The following CABIN1 variants were observed in gnomAD, a reference collection of about 807,000 sequenced individuals.
CABIN1 encodes the protein calcineurin-binding protein cabin-1.
A neutral mutation model predicts 227.7 loss-of-function variants in CABIN1; 133 were observed. The ratio of observed to expected loss-of-function variants is 0.58; its 90% CI spans 0.51 to 0.67. The LOEUF (loss-of-function observed/expected upper bound fraction) is 0.67, where lower values mean the gene tolerates loss of function less well. Among genes scored for constraint, CABIN1 ranks in the 30% least tolerant of loss-of-function variants. CABIN1 has a pLI of 0.00. For synonymous variants in CABIN1, 1,086 were observed against 1,155.1 expected (o/e 0.94, Z 1.21); for missense variants, 2,408 against 2,852.5 (o/e 0.84, Z 3.55).
At chr22:24,173,758 C>T (rs1408602871) in intron 34 of CABIN1, among the ~76,000 whole-genome samples, 1 of 152,170 alleles carries the variant, frequency 6.6e-6, no homozygotes, top group African/African-American at 2.4e-5. Flanking sequence ...CGCTTGAACC[C>T]AGGAGGCAGA....
At chr22:24,045,645 T>G (rs1202225775) in intron 6 of CABIN1, among the ~76,000 whole-genome samples, 1 of 152,124 alleles carries the variant, frequency 6.6e-6, no homozygotes, top group Non-Finnish European at 1.5e-5. Context: ...ATTTAGGTAT[T>G]TGTTACAACA....
chr22:24,165,454 A>C, intron 30 of CABIN1, 76 bp from the exon 31 acceptor site: 35 of 1,224,780 alleles, frequency 2.9e-5, no homozygotes, highest in Non-Finnish European at 3.7e-5. Context: ...AGGGATGGGC[A>C]GTGGCCACCA....
chr22:24,114,345 C>CT (rs774226386), intron 27 of CABIN1, among the ~76,000 whole-genome samples: 10 of 152,236 alleles, frequency 6.6e-5, no homozygotes, highest in Non-Finnish European at 1.3e-4. Context: ...TGGCCCCACT[C>CT]TGAGGTGTGG....
In CABIN1 at chr22:24,036,358, A is replaced by G. The variant is rs545284405; in HGVS notation, c.96+177A>G. On this transcript the variant is annotated intron_variant, in intron 3 of 36. Coordinates refer to ENST00000263119, the MANE Select transcript of CABIN1 (RefSeq NM_012295.4). ...TTTTACTTAGCAGACGATCATATAG[A>G]GGAGAAATTATATTTATTCTATCAG... is the stretch of plus-strand genomic sequence containing the variant. Among the ~76,000 whole-genome samples the G allele has an allele frequency of 2.0e-5, 3 of 152,300 alleles. No individual in the cohort carries two copies. In the South Asian group the frequency reaches 6.2e-4, roughly 32 times the overall value.
intron 3 of CABIN1, among the ~76,000 whole-genome samples, chr22:24,037,957 T>C (rs899642520): frequency 1.3e-5 from 2 of 152,222 alleles, no homozygotes; most frequent in African/African-American, 4.8e-5. Flanking sequence ...CAATTTATTA[T>C]GAAGGATACA....
At chr22:24,083,167 T>C in intron 19 of CABIN1, 61 bp from the exon 20 acceptor site, 2 of 1,549,198 alleles carry the variant, frequency 1.3e-6, no homozygotes, top group Non-Finnish European at 1.8e-6. Flanking sequence ...GGGGCCCTGC[T>C]GTGACAGGGA....
intron 25 of CABIN1, among the ~76,000 whole-genome samples, chr22:24,097,256 A>G (rs1315318688): frequency 6.6e-6 from 1 of 152,246 alleles, no homozygotes; most frequent in Non-Finnish European, 1.5e-5. Context: ...ATAAACATGT[A>G]GACTAAAATG....
intron 28 of CABIN1, among the ~76,000 whole-genome samples, chr22:24,123,731 G>A (rs2043554506): frequency 6.6e-6 from 1 of 152,222 alleles, no homozygotes; most frequent in South Asian, 2.1e-4. Context: ...CCATTAACTG[G>A]GAAGTAGTTA....
chr22:24,087,434 C>A lies in CABIN1; in HGVS notation c.3264-18C>A, dbSNP rs182289504. ...CATGTAGTGTTGTTTTTAGCTGGTG[C>A]TTTTGTTACCACCACAGGTTTGATT... On this transcript the variant is annotated intron_variant, in intron 22 of 36. Coordinates refer to ENST00000263119, the MANE Select transcript of CABIN1 (RefSeq NM_012295.4). 7.0e-4 allele frequency: 1,131 copies of A among 1,612,928 alleles called. 1 individual carries two copies. The highest frequency in any genetic ancestry group is 8.8e-4 in the Non-Finnish European group (1,034 of 1,179,994).
intron 28 of CABIN1, among the ~76,000 whole-genome samples, chr22:24,132,464 G>C (rs576516883): frequency 6.6e-6 from 1 of 152,326 alleles, no homozygotes; most frequent in South Asian, 2.1e-4. Context: ...GCAGAGGTGG[G>C]AAGCATTATG....
intron 30 of CABIN1, among the ~76,000 whole-genome samples, chr22:24,165,190 C>T (rs753386225): frequency 6.6e-5 from 10 of 152,210 alleles, no homozygotes; most frequent in Non-Finnish European, 1.2e-4. Flanking sequence ...ACTTGCCAGG[C>T]GATGTGCCAG....
chr22:24,170,250 C>T, intron 33 of CABIN1: 1 of 427,524 alleles, frequency 2.3e-6, no homozygotes, highest in Non-Finnish European at 4.8e-6. Context: ...TCCTCTGGTT[C>T]TCTCCTCCCT....
Position 24,050,817 on chromosome 22 carries a change from G to A in CABIN1, c.657-8G>A, listed in dbSNP as rs765614247. 3.7e-6 allele frequency: 6 copies of A among 1,614,044 alleles called. No homozygotes were observed. Among genetic ancestry groups the A allele is most frequent in the Non-Finnish European group, 5.1e-6 (6 of 1,180,012 alleles). On this transcript the variant is annotated splice_polypyrimidine_tract_variant and splice_region_variant and intron_variant, in intron 7 of 36. Transcript: ENST00000263119. Reference sequence around the variant, plus strand: ...ATGATAATTTCTCCCTGTCTCACATGCTTTTAGTGACATGTCGATTCACGA... The same window carrying A: ...ATGATAATTTCTCCCTGTCTCACATACTTTTAGTGACATGTCGATTCACGA...
intron 28 of CABIN1, among the ~76,000 whole-genome samples, chr22:24,132,565 C>T (rs774116686): frequency 1.1e-4 from 16 of 152,016 alleles, no homozygotes; most frequent in Non-Finnish European, 1.9e-4. Context: ...TTGCTGGGGA[C>T]GTTTTTCTGT....
At chr22:24,036,299 A>G in intron 3 of CABIN1, 118 bp downstream of exon 3, 1 of 774,362 alleles carries the variant, frequency 1.3e-6, no homozygotes, top group South Asian at 1.4e-5. Context: ...TCCATTTTGA[A>G]AGATGGCTAG....
At chr22:24,143,738 G>A (rs1486738794) in intron 29 of CABIN1, among the ~76,000 whole-genome samples, 1 of 152,154 alleles carries the variant, frequency 6.6e-6, no homozygotes, top group East Asian at 1.9e-4. Context: ...GTGAGGCTTA[G>A]GTACTATTAT....
At chr22:24,017,315 G>A (rs2035375140) in intron 1 of CABIN1, among the ~76,000 whole-genome samples, 2 of 152,140 alleles carry the variant, frequency 1.3e-5, no homozygotes, top group Non-Finnish European at 2.9e-5. Context: ...GGGATTACAG[G>A]CGTGAGCCAC....
At chr22:24,142,420 T>A (rs2044823939) in intron 29 of CABIN1, among the ~76,000 whole-genome samples, 1 of 152,060 alleles carries the variant, frequency 6.6e-6, no homozygotes, top group South Asian at 2.1e-4. Flanking sequence ...GGGGAACAGG[T>A]ATATCCTGAC....
chr22:24,051,019 C>G (rs763555399), intron 8 of CABIN1, 45 bp downstream of exon 8: 2 of 1,612,576 alleles, frequency 1.2e-6, no homozygotes, highest in East Asian at 4.5e-5. Flanking sequence ...GGCCAGTAGG[C>G]CCTGTTGTGG....
Sources: allele counts gnomAD v4.1 joint callset (sites outside exome capture counted in the v4.1 genomes callset), GRCh38; gene constraint gnomAD v4.1.1; transcripts MANE v1.5; gene names NCBI Gene and HGNC (gene_info 2026-07-23, HGNC 2026-07-21).